The following AGAP1 variants were observed in gnomAD, a reference collection of about 807,000 sequenced individuals.
AGAP1 encodes the protein arf-GAP with GTPase, ANK repeat and PH domain-containing protein 1.
A neutral mutation model predicts 105.3 loss-of-function variants in AGAP1; 29 were observed. The ratio of observed to expected loss-of-function variants is 0.28; its 90% CI spans 0.21 to 0.38. The LOEUF (loss-of-function observed/expected upper bound fraction) is 0.38, where lower values mean the gene tolerates loss of function less well. Ranked by LOEUF, AGAP1 falls within the 10% of genes least tolerant of loss-of-function variation. The pLI, the probability that AGAP1 is intolerant of heterozygous loss-of-function variation, is 1.00. For missense variants in AGAP1, 998 were observed against 1,165.1 expected (o/e 0.86, Z 2.09); for synonymous variants, 509 against 485.9 (o/e 1.05, Z -0.63).
chr2:235,711,086 T>G (rs1236016328), intron 2 of AGAP1, among the ~76,000 whole-genome samples: 1 of 152,196 alleles, frequency 6.6e-6, no homozygotes, highest in East Asian at 1.9e-4. Context: ...ACCACCGCAC[T>G]GCCTGACAGA....
intron 3 of AGAP1, among the ~76,000 whole-genome samples, chr2:235,735,437 A>G (rs192911466): frequency 2.0e-3 from 297 of 152,272 alleles, no homozygotes; most frequent in Middle Eastern, 0.014. Context: ...CTGTAGCTCA[A>G]CCTCGCGTGA....
intron 1 of AGAP1, among the ~76,000 whole-genome samples, chr2:235,538,460 T>TGTGTGTGTGCGCGC (rs1553561884): frequency 7.3e-5 from 11 of 150,560 alleles, no homozygotes; most frequent in African/African-American, 2.2e-4. Context: ...TGTGTGTGTG[T>TGTGTGTGTGCGCGC]GCATGCTTGT....
chr2:235,855,604 CT>C lies in AGAP1; in HGVS notation c.1051-27737del, dbSNP rs2048655575. 6.6e-6 allele frequency among the ~76,000 whole-genome samples: 1 copy of C among 152,128 alleles called. No homozygotes were observed. Among genetic ancestry groups the C allele is most frequent in the South Asian group, 2.1e-4 (1 of 4,822 alleles). On this transcript the variant is annotated intron_variant, in intron 9 of 17. Transcript: ENST00000304032. This position sits in a 1 kb window ranked among gnomAD's most constrained non-coding sequence, Gnocchi z 5.0. Reference sequence around the variant, plus strand: ...TTTCCTTTAGATTCGTTGCCCTGAACTTTTGATTTTGATATTATAAATACAC... The same window carrying C: ...TTTCCTTTAGATTCGTTGCCCTGAACTTTGATTTTGATATTATAAATACAC...
intron 1 of AGAP1, among the ~76,000 whole-genome samples, chr2:235,518,469 A>C (rs1276107360): frequency 6.6e-6 from 1 of 152,108 alleles, no homozygotes; most frequent in Non-Finnish European, 1.5e-5. Context: ...CGTGTGCCCC[A>C]CCCTGCAATT....
intron 1 of AGAP1, among the ~76,000 whole-genome samples, chr2:235,529,388 T>C (rs1942967349): frequency 6.6e-6 from 1 of 152,330 alleles, no homozygotes; most frequent in Non-Finnish European, 1.5e-5. Context: ...GTCATTGCCA[T>C]TGTAAGGATT....
rs1005906960 is a variant in AGAP1, at chr2:235,973,111, A to G, written c.1645+4488A>G. On this transcript the variant is annotated intron_variant, in intron 13 of 17. Coordinates refer to ENST00000304032, the MANE Select transcript of AGAP1 (RefSeq NM_001037131.3). This position sits in a 1 kb window ranked among gnomAD's most constrained non-coding sequence, Gnocchi z 4.7. ...TACCTGCTGCTGCAAACCCAGAAACACTGTGTCTACACGGGGCTGTCAGGG... is the reference window on the plus strand; with the variant it reads ...TACCTGCTGCTGCAAACCCAGAAACGCTGTGTCTACACGGGGCTGTCAGGG... 1.3e-5 allele frequency among the ~76,000 whole-genome samples: 2 copies of G among 152,058 alleles called. No individual in the cohort carries two copies. Among genetic ancestry groups the G allele is most frequent in the African/African-American group, 4.8e-5 (2 of 41,406 alleles).
At chr2:235,678,222 T>C (rs1220845518) in intron 1 of AGAP1, among the ~76,000 whole-genome samples, 1 of 152,184 alleles carries the variant, frequency 6.6e-6, no homozygotes, top group Non-Finnish European at 1.5e-5. Context: ...GAGTCTGTTC[T>C]CTTTTGGATT....
rs1293346365 is a variant in AGAP1, at chr2:236,090,384, CAA to C, written c.2115-29807_2115-29806del. Among the ~76,000 whole-genome samples the C allele has an allele frequency of 7.9e-5, 12 of 152,192 alleles. No individual in the cohort carries two copies. The highest frequency in any genetic ancestry group is 1.8e-4 in the Non-Finnish European group (12 of 68,044). On this transcript the variant is annotated intron_variant, in intron 16 of 17. Transcript: ENST00000304032. The surrounding 1 kb of genome is among the most constrained non-coding windows in gnomAD (Gnocchi z 4.3). ...CTCTCTGGTTTTTGAGACGCACACT[CAA>C]GAGTCACAAATTAGAAAATAATATT...
Position 235,927,760 on chromosome 2 carries a change from T to C in AGAP1, c.1325-3005T>C, listed in dbSNP as rs1320617186. Among the ~76,000 whole-genome samples the C allele has an allele frequency of 6.6e-6, 1 of 152,226 alleles. No individual in the cohort carries two copies. Reference sequence around the variant, plus strand: ...GGAAGGTTTCTAGGCCTGGTTGTCATCGGAGAACCACTCTCCAGGGAGAAG... The same window carrying C: ...GGAAGGTTTCTAGGCCTGGTTGTCACCGGAGAACCACTCTCCAGGGAGAAG... On this transcript the variant is annotated intron_variant, in intron 11 of 17. Transcript: ENST00000304032. The surrounding 1 kb of genome is among the most constrained non-coding windows in gnomAD (Gnocchi z 4.4).
At chr2:235,643,578 G>T (rs1331566641) in intron 1 of AGAP1, among the ~76,000 whole-genome samples, 2 of 151,806 alleles carry the variant, frequency 1.3e-5, no homozygotes, top group Non-Finnish European at 2.9e-5. Flanking sequence ...AAACTCTCTT[G>T]GTTTGACAGA....
intron 10 of AGAP1, among the ~76,000 whole-genome samples, chr2:235,902,947 A>G (rs1168752506): frequency 6.6e-6 from 1 of 152,228 alleles, no homozygotes; most frequent in African/African-American, 2.4e-5. Context: ...CTTAAAGAGC[A>G]TGCCAGTGAA....
intron 1 of AGAP1, among the ~76,000 whole-genome samples, chr2:235,581,987 T>G (rs1333208827): frequency 6.6e-6 from 1 of 152,204 alleles, no homozygotes; most frequent in African/African-American, 2.4e-5. Flanking sequence ...CAGGAAATTC[T>G]TAAGGCCTGA....
Position 235,883,583 on chromosome 2 carries a change from G to A in AGAP1, c.1155+134G>A, listed in dbSNP as rs1272438520. 6.0e-6 allele frequency: 4 copies of A among 666,700 alleles called. No homozygotes were observed. The East Asian group carries it at 1.1e-4, about 18-fold the overall frequency. 41.3% of individuals were successfully genotyped at this position (666,700 alleles called of 1,614,324 possible). ...GTCGTATTTGGTCTCCTGCTCAACT[G>A]TGAGATAAATAACCCTGTTCCTCAC... is the stretch of plus-strand genomic sequence containing the variant. On this transcript the variant is annotated intron_variant, in intron 10 of 17. Transcript: ENST00000304032. The surrounding 1 kb of genome is among the most constrained non-coding windows in gnomAD (Gnocchi z 4.5).
intron 1 of AGAP1, among the ~76,000 whole-genome samples, chr2:235,650,129 A>G (rs1223145842): frequency 6.6e-6 from 1 of 152,216 alleles, no homozygotes; most frequent in Non-Finnish European, 1.5e-5. Flanking sequence ...TGGGAGGCCA[A>G]GGTGGGTGGA....
rs183582243 is a variant in AGAP1, at chr2:235,610,353, C to T, written c.164-98826C>T. The stretch of plus-strand genomic sequence containing the variant: ...ATAACAAAATACCAGACGCTGGGTG[C>T]CTTAAACCACAGAAATGCATTTTCT... On this transcript the variant is annotated intron_variant, in intron 1 of 17. Coordinates refer to ENST00000304032, the MANE Select transcript of AGAP1 (RefSeq NM_001037131.3). This position sits in a 1 kb window ranked among gnomAD's most constrained non-coding sequence, Gnocchi z 4.9. Among the ~76,000 whole-genome samples, 3 of 152,224 alleles carry T rather than the reference C, an allele frequency of 2.0e-5. No individual in the cohort carries two copies. The East Asian group carries it at 5.8e-4, about 29-fold the overall frequency.
At chr2:235,870,746 A>G (rs2049398354) in intron 9 of AGAP1, among the ~76,000 whole-genome samples, 1 of 152,170 alleles carries the variant, frequency 6.6e-6, no homozygotes, top group African/African-American at 2.4e-5. Flanking sequence ...TAAGAACTGT[A>G]TATTCTCCCC....
chr2:235,566,947 C>G lies in AGAP1; in HGVS notation c.163+72098C>G, dbSNP rs1236755992. ...TAGCCTTTTCCGGCCTCTGGTGGCCCCTGGCAATCCTTGGTGTCCCATCCA... is the reference window on the plus strand; with the variant it reads ...TAGCCTTTTCCGGCCTCTGGTGGCCGCTGGCAATCCTTGGTGTCCCATCCA... On this transcript the variant is annotated intron_variant, in intron 1 of 17. Transcript: ENST00000304032. The surrounding 1 kb of genome is among the most constrained non-coding windows in gnomAD (Gnocchi z 5.2). 2.6e-5 allele frequency among the ~76,000 whole-genome samples: 4 copies of G among 152,192 alleles called. No homozygotes were observed. Among genetic ancestry groups the G allele is most frequent in the Non-Finnish European group, 4.4e-5 (3 of 68,034 alleles).
At position 235,533,424 on chromosome 2, in the gene AGAP1, TC is replaced by T. The variant is rs1943108746; in HGVS notation, c.163+38577del. Among the ~76,000 whole-genome samples the T allele has an allele frequency of 2.0e-5, 3 of 152,300 alleles. No individual in the cohort carries two copies. The South Asian group carries it at 6.2e-4, about 32-fold the overall frequency. The stretch of plus-strand genomic sequence containing the variant: ...GAACGGTCTTAGGGAAATGTGTACA[TC>T]CATTACTCATTAGTTTGCTGTATTA... On this transcript the variant is annotated intron_variant, in intron 1 of 17. Transcript: ENST00000304032.
chr2:235,735,948 A>G (rs931897648), intron 3 of AGAP1, among the ~76,000 whole-genome samples: 1 of 151,990 alleles, frequency 6.6e-6, no homozygotes, highest in Non-Finnish European at 1.5e-5. Context: ...CTTCAAACTC[A>G]GTGCAGAAAG....
Sources: allele counts gnomAD v4.1 joint callset (sites outside exome capture counted in the v4.1 genomes callset), GRCh38; gene constraint gnomAD v4.1.1; non-coding constraint Gnocchi (gnomAD v3.1); transcripts MANE v1.5; gene names NCBI Gene and HGNC (gene_info 2026-07-23, HGNC 2026-07-21).